The following CLASP1 variants were observed in gnomAD, a reference collection of about 807,000 sequenced individuals.
CLASP1 encodes cytoplasmic linker associated protein 1.
Under a neutral mutation model 192.3 loss-of-function variants are expected in CLASP1, and 38 were observed. The observed-to-expected ratio is 0.20, with a 90% CI of 0.15 to 0.26. CLASP1 has a LOEUF of 0.26. Ranked by LOEUF, CLASP1 falls within the 10% of genes least tolerant of loss-of-function variation. The probability of loss-of-function intolerance (pLI) is 1.00; values close to 1 mark genes in which losing one functional copy is unlikely to be tolerated. For missense variants in CLASP1, 1,433 were observed against 1,932.5 expected (o/e 0.74, Z 4.85); for synonymous variants, 691 against 712.8 (o/e 0.97, Z 0.49).
chr2:121,348,619 A>G (rs778367019), exon 38 of CLASP1: 1 of 1,613,916 alleles, frequency 6.2e-7, no homozygotes, highest in South Asian at 1.1e-5. Context: ...TTGATGGGGT[A>G]GTCGGCCGTC....
rs191334783 is a variant in CLASP1, at chr2:121,456,257, T to C, written c.1385+1430A>G. Reference sequence around the variant, plus strand: ...GCTCACATCTATAATCCCAGCACTTTGGGAGATCAAGGTGGGAAGACTGCT... The same window carrying C: ...GCTCACATCTATAATCCCAGCACTTCGGGAGATCAAGGTGGGAAGACTGCT... On this transcript the variant is annotated intron_variant, in intron 14 of 39. Coordinates refer to ENST00000263710, the Ensembl canonical transcript of CLASP1. Among the ~76,000 whole-genome samples, 308 of 151,512 alleles carry C rather than the reference T, an allele frequency of 2.0e-3. 1 individual carries two copies. The highest frequency in any genetic ancestry group is 7.2e-3 in the African/African-American group (295 of 41,254).
intron 2 of CLASP1, among the ~76,000 whole-genome samples, chr2:121,555,838 C>G (rs999433543): frequency 6.6e-6 from 1 of 152,018 alleles, no homozygotes; most frequent in Non-Finnish European, 1.5e-5. Flanking sequence ...TGTGCCACCA[C>G]GCCCAGTTAA....
At chr2:121,530,923 T>G (rs377422272) in intron 2 of CLASP1, 9 of 699,774 alleles carry the variant, frequency 1.3e-5, no homozygotes, top group East Asian at 5.4e-5. Flanking sequence ...AATGAGCGCA[T>G]AGTGAGGGCA....
intron 8 of CLASP1, among the ~76,000 whole-genome samples, chr2:121,480,171 T>C (rs568224844): frequency 6.6e-6 from 1 of 152,184 alleles, no homozygotes; most frequent in Non-Finnish European, 1.5e-5. Context: ...TCAGCTTTAC[T>C]AGTCCTTCAC....
chr2:121,591,157 C>T (rs924389535), intron 2 of CLASP1, among the ~76,000 whole-genome samples: 6 of 150,436 alleles, frequency 4.0e-5, no homozygotes, highest in African/African-American at 1.3e-4. Context: ...TGAGCCACTG[C>T]GTCCGGCCAA....
At chr2:121,547,653 G>T (rs2057597188) in intron 2 of CLASP1, among the ~76,000 whole-genome samples, 1 of 152,124 alleles carries the variant, frequency 6.6e-6, no homozygotes, top group Non-Finnish European at 1.5e-5. Context: ...GCGATCTATA[G>T]CCAGTACTCA....
intron 35 of CLASP1, among the ~76,000 whole-genome samples, chr2:121,365,836 G>A (rs927179266): frequency 1.3e-5 from 2 of 152,164 alleles, no homozygotes; most frequent in African/African-American, 4.8e-5. Flanking sequence ...GACTACTGGT[G>A]GACTATCTAT....
At chr2:121,422,781 A>C (rs1385548436) in intron 22 of CLASP1, among the ~76,000 whole-genome samples, 4 of 152,206 alleles carry the variant, frequency 2.6e-5, no homozygotes, top group African/African-American at 9.7e-5. Context: ...ATTTCAAACA[A>C]AAAGAGGCAT....
intron 19 of CLASP1, chr2:121,445,639 A>G: frequency 2.5e-6 from 1 of 396,766 alleles, no homozygotes; most frequent in Admixed American, 3.2e-5. Flanking sequence ...TGGGGACAAA[A>G]TAAGGGAAGT....
intron 2 of CLASP1, among the ~76,000 whole-genome samples, chr2:121,539,251 A>G (rs1197233872): frequency 6.6e-6 from 1 of 152,232 alleles, no homozygotes; most frequent in Non-Finnish European, 1.5e-5. Flanking sequence ...CTCCCCGTGG[A>G]TATCAAGATT....
intron 7 of CLASP1, among the ~76,000 whole-genome samples, chr2:121,507,331 A>G (rs1001580827): frequency 1.3e-5 from 2 of 152,204 alleles, no homozygotes; most frequent in African/African-American, 4.8e-5. Context: ...AGTTCAACAG[A>G]TTTGAGCTGA....
intron 37 of CLASP1, among the ~76,000 whole-genome samples, chr2:121,354,619 A>G (rs2065066504): frequency 6.6e-6 from 1 of 152,254 alleles, no homozygotes; most frequent in Non-Finnish European, 1.5e-5. Context: ...CTGCCCAAGT[A>G]TCATAACACA....
chr2:121,431,824 T>TA (rs1574743319), intron 19 of CLASP1, among the ~76,000 whole-genome samples: 1 of 152,158 alleles, frequency 6.6e-6, no homozygotes, highest in Non-Finnish European at 1.5e-5. Flanking sequence ...AGAACGTTTT[T>TA]AAATTATAAC....
intron 1 of CLASP1, among the ~76,000 whole-genome samples, chr2:121,616,049 T>C (rs1029482848): frequency 1.3e-5 from 2 of 152,000 alleles, no homozygotes; most frequent in African/African-American, 4.8e-5. Context: ...CGAAGTCAAA[T>C]CATAAATAAG....
At position 121,407,766 on chromosome 2, in the gene CLASP1, G is replaced by A. The variant is rs180889442; in HGVS notation, c.2425-51C>T. ...GTGATTGAGGAAGAAATAGAAAGGTGAAATGACTGTGAGTCACACCAAACA... is the reference window on the plus strand; with the variant it reads ...GTGATTGAGGAAGAAATAGAAAGGTAAAATGACTGTGAGTCACACCAAACA... On this transcript the variant is annotated intron_variant, in intron 24 of 39. Transcript: ENST00000263710. The A allele has an allele frequency of 3.5e-5, 57 of 1,609,158 alleles. No individual in the cohort carries two copies. The Admixed American group carries it at 5.0e-4, about 14-fold the overall frequency.
intron 25 of CLASP1, among the ~76,000 whole-genome samples, chr2:121,405,665 C>G (rs1404050023): frequency 6.6e-6 from 1 of 152,180 alleles, no homozygotes; most frequent in African/African-American, 2.4e-5. Context: ...TCAACAGATT[C>G]CTAGAAATTA....
At chr2:121,563,796 G>A (rs938792985) in intron 2 of CLASP1, among the ~76,000 whole-genome samples, 5 of 152,188 alleles carry the variant, frequency 3.3e-5, no homozygotes, top group Non-Finnish European at 7.3e-5. Context: ...GGGTGAAAAT[G>A]AAAGTTCATT....
rs1010606585 is a variant in CLASP1 at position 121,459,666 on chromosome 2, C to T, written c.1178+314G>A. 1.4e-5 allele frequency: 3 copies of T among 216,830 alleles called. No individual in the cohort carries two copies. The Admixed American group carries it at 1.6e-4, about 12-fold the overall frequency. The allele number at this position is 216,830 out of a possible 1,614,324, so 13.4% of individuals were successfully genotyped here. ...ATTCTGATAAACACGCTATTGCCTG[C>T]CAGCAAAAATCAATGAAAAATCAGA... On this transcript the variant is annotated intron_variant, in intron 12 of 39. Transcript: ENST00000263710.
At chr2:121,594,708 A>T (rs2062918828) in intron 2 of CLASP1, among the ~76,000 whole-genome samples, 1 of 152,106 alleles carries the variant, frequency 6.6e-6, no homozygotes, top group African/African-American at 2.4e-5. Flanking sequence ...CATCAATCTT[A>T]ATCCTGATTT....
Sources: allele counts gnomAD v4.1 joint callset (sites outside exome capture counted in the v4.1 genomes callset), GRCh38; gene constraint gnomAD v4.1.1; transcripts MANE v1.5; gene names NCBI Gene and HGNC (gene_info 2026-07-23, HGNC 2026-07-21).